Variants in MDH2 observed in about 807,000 individuals in gnomAD.
The protein encoded by MDH2 is malate dehydrogenase 2, also known as malate dehydrogenase, mitochondrial.
Under a neutral mutation model 33.6 loss-of-function variants are expected in MDH2, and 25 were observed. The ratio of observed to expected loss-of-function variants is 0.74; its 90% CI spans 0.54 to 1.04. The LOEUF is 1.04. Ranked by LOEUF, MDH2 falls within the 50% of genes least tolerant of loss-of-function variation. MDH2 has a pLI of 0.00. For missense variants in MDH2, 432 were observed against 445.0 expected (o/e 0.97, Z 0.26); for synonymous variants, 193 against 188.7 (o/e 1.02, Z -0.19).
chr7:76,065,093 C>G (rs563092303), intron 8 of MDH2, 140 bp downstream of exon 8: 5 of 978,278 alleles, frequency 5.1e-6, no homozygotes, highest in Non-Finnish European at 7.6e-6. Flanking sequence ...CAAGGGTGGA[C>G]GCACACCCGA....
Position 76,048,230 on chromosome 7 carries a change from G to T in MDH2, c.66+4G>T. 1 of 1,533,490 alleles carries T rather than the reference G, an allele frequency of 6.5e-7. No homozygotes were observed. The highest frequency in any genetic ancestry group is 8.7e-7 in the Non-Finnish European group (1 of 1,145,586). 95.0% of individuals were successfully genotyped at this position (1,533,490 alleles called of 1,614,324 possible). On this transcript the variant is annotated splice_donor_region_variant and intron_variant, in intron 1 of 8. Coordinates refer to ENST00000315758, the MANE Select transcript of MDH2 (RefSeq NM_005918.4). ...CAGCTTCAGCACCTCGGCCCAGGTA[G>T]GCCAGACGAGGGGCGGCCTGCAGGC...
chr7:76,066,148 C>G (rs1798090312), intron 8 of MDH2, 131 bp from the exon 9 acceptor site: 1 of 1,155,732 alleles, frequency 8.7e-7, no homozygotes, highest in African/African-American at 1.6e-5. Context: ...AGCAAGGCGT[C>G]CCCAGCAAGG....
rs370912885 is a variant in MDH2, at chr7:76,066,306, A to G, written c.913A>G (p.Ile305Val). 119 of 1,609,640 alleles carry G rather than the reference A, an allele frequency of 7.4e-5. No individual in the cohort carries two copies. Among genetic ancestry groups the G allele is most frequent in the Non-Finnish European group, 9.3e-5 (110 of 1,178,132 alleles). ...GKKGIEKNLG[I>V]GKVSSFEEKM... The stretch of plus-strand genomic sequence containing the variant: ...AAAGGGCATCGAGAAGAACCTGGGC[A>G]TCGGCAAAGTCTCCTCTTTTGAGGA... The change falls in exon 9 of 9, where the codon ATC becomes GTC. Residue 305 changes from isoleucine (I) to valine (V), a missense_variant. Coordinates refer to ENST00000315758, the MANE Select transcript of MDH2 (RefSeq NM_005918.4).
At chr7:76,066,168 C>A in intron 8 of MDH2, 111 bp from the exon 9 acceptor site, 2 of 1,367,910 alleles carry the variant, frequency 1.5e-6, no homozygotes, top group Non-Finnish European at 2.0e-6. Context: ...GCACCCAGAA[C>A]CCGCATGTGT....
intron 5 of MDH2, among the ~76,000 whole-genome samples, chr7:76,062,644 G>A (rs1797987658): frequency 6.6e-6 from 1 of 152,260 alleles, no homozygotes; most frequent in Non-Finnish European, 1.5e-5. Flanking sequence ...GCCGGGCGCA[G>A]TGGTGCATGC....
At position 76,048,302 on chromosome 7, in the gene MDH2, C is replaced by G; in HGVS notation, c.66+76C>G. The G allele has an allele frequency of 2.0e-6, 3 of 1,490,378 alleles. No homozygotes were observed. The South Asian group carries it at 3.9e-5, about 19-fold the overall frequency. 92.3% of individuals were successfully genotyped at this position (1,490,378 alleles called of 1,614,324 possible). ...ACGTGCGTCCCCGGTTCGCGGGCAGCTCTGACCCTCTCCAGGCCAGCCTGG... is the reference window on the plus strand; with the variant it reads ...ACGTGCGTCCCCGGTTCGCGGGCAGGTCTGACCCTCTCCAGGCCAGCCTGG... On this transcript the variant is annotated intron_variant, in intron 1 of 8. Transcript: ENST00000315758.
In MDH2 at chr7:76,060,622, G is replaced by GTT. The variant is rs1260595049; in HGVS notation, c.555+128_555+129dup. On this transcript the variant is annotated intron_variant, in intron 5 of 8. Coordinates refer to ENST00000315758, the MANE Select transcript of MDH2 (RefSeq NM_005918.4). ...CACGTGTCACTTTGGGGTTTTAAAT[G>GTT]TTTTTAGAGCTCGCCCTCTTGATGG... 9.3e-6 allele frequency: 13 copies of GTT among 1,394,600 alleles called. No homozygotes were observed. The African/African-American group carries it at 1.9e-4, about 20-fold the overall frequency. The allele number at this position is 1,394,600 out of a possible 1,614,324, so 86.4% of individuals were successfully genotyped here. A position where few individuals can be genotyped will look rare whatever the true frequency, so the allele number is the denominator to read the frequency against.
At chr7:76,056,428 T>G (rs1797787576) in intron 2 of MDH2, among the ~76,000 whole-genome samples, 1 of 152,182 alleles carries the variant, frequency 6.6e-6, no homozygotes, top group Non-Finnish European at 1.5e-5. Context: ...TACATGAGTC[T>G]TAAGTTGGTG....
In MDH2 at chr7:76,064,392, G is replaced by A. The variant is rs1554587474; in HGVS notation, c.687G>A (p.Arg229=). The part of the protein sequence containing the change: ...PQDQLTALTG[R]IQEAGTEVVK... ...ACCAGCTGACAGCACTCACTGGGCG[G>A]ATCCAGGAGGCCGGCACGGAGGTGG... is the stretch of plus-strand genomic sequence containing the variant. The change falls in exon 7 of 9, where the codon CGG becomes CGA. Residue 229 remains arginine (R), a synonymous_variant. Transcript: ENST00000315758. 1.9e-6 allele frequency: 3 copies of A among 1,613,620 alleles called. No homozygotes were observed. The African/African-American group carries it at 4.0e-5, about 22-fold the overall frequency.
At position 76,066,506 on chromosome 7, in the gene MDH2, T is replaced by G. The variant is rs1047487774; in HGVS notation, c.*96T>G. The G allele has an allele frequency of 4.5e-5, 64 of 1,434,472 alleles. No homozygotes were observed. Among genetic ancestry groups the G allele is most frequent in the Non-Finnish European group, 5.9e-5 (64 of 1,078,232 alleles). The allele number at this position is 1,434,472 out of a possible 1,614,324, so 88.9% of individuals were successfully genotyped here. ...AACTTTGTATTTTAATTTGCTTTGG[T>G]GATGATTACTGTATTGACATCATCA... On this transcript the variant is annotated 3_prime_UTR_variant, in exon 9 of 9. Transcript: ENST00000315758.
intron 2 of MDH2, among the ~76,000 whole-genome samples, chr7:76,056,403 G>T (rs575537830): frequency 6.6e-6 from 1 of 152,126 alleles, no homozygotes; most frequent in Non-Finnish European, 1.5e-5. Flanking sequence ...ATGCGATACC[G>T]TGTCTGATGG....
Position 76,067,102 on chromosome 7 carries a change from A to G in MDH2, c.*692A>G, listed in dbSNP as rs10476. 69,211 of 152,196 alleles carry G rather than the reference A, an allele frequency of 0.45. 18,185 individuals are homozygous for G. The highest frequency in any genetic ancestry group is 0.72 in the African/African-American group (29,906 of 41,514). The allele number at this position is 152,196 out of a possible 1,614,324, so 9.4% of individuals were successfully genotyped here. A position where few individuals can be genotyped will look rare whatever the true frequency, so the allele number is the denominator to read the frequency against. ...CCGCTGTGTCAAGGCCTAGGACGCC[A>G]TGCTGCCATCAAAAGGGGGTTCCAG... On this transcript the variant is annotated 3_prime_UTR_variant, in exon 9 of 9. Coordinates refer to ENST00000315758, the MANE Select transcript of MDH2 (RefSeq NM_005918.4).
Position 76,063,560 on chromosome 7 carries a change from G to T in MDH2, c.601G>T (p.Ala201Ser). 6.2e-7 allele frequency: 1 copy of T among 1,614,248 alleles called. No homozygotes were observed. Among genetic ancestry groups the T allele is most frequent in the Non-Finnish European group, 8.5e-7 (1 of 1,180,036 alleles). ...RVNVPVIGGH[A>S]GKTIIPLISQ... ...CAACGTCCCTGTCATTGGTGGCCAT[G>T]CTGGGAAGACCATCATCCCCCTGAT... is the stretch of plus-strand genomic sequence containing the variant. The change falls in exon 6 of 9, where the codon GCT becomes TCT. Residue 201 changes from alanine to serine, a missense_variant. Ala to Ser is a moderately conservative substitution (Grantham distance 99). Transcript: ENST00000315758.
intron 2 of MDH2, among the ~76,000 whole-genome samples, chr7:76,056,615 T>C (rs1797794531): frequency 6.6e-6 from 1 of 152,238 alleles, no homozygotes; most frequent in Non-Finnish European, 1.5e-5. Flanking sequence ...CCTGAAATCT[T>C]TGAAAACATA....
chr7:76,058,048 G>A lies in MDH2; in HGVS notation c.399G>A (p.Pro133=), dbSNP rs61744459. The change falls in exon 4 of 9, where the codon CCG becomes CCA. Residue 133 remains proline (P), a synonymous_variant. Coordinates refer to ENST00000315758, the MANE Select transcript of MDH2 (RefSeq NM_005918.4). ...TLTAACAQHC[P]EAMICVIANP... is the part of the protein sequence containing the mutation. ...CCGCTGCCTGTGCCCAGCACTGCCC[G>A]GAAGCCATGATCTGCGTCATTGCCA... The A allele has an allele frequency of 4.2e-5, 68 of 1,613,540 alleles. No homozygotes were observed. Among genetic ancestry groups the A allele is most frequent in the Admixed American group, 1.2e-4 (7 of 60,008 alleles).
At chr7:76,066,117 C>T (rs1178228802) in intron 8 of MDH2, among the ~76,000 whole-genome samples, 162 bp from the exon 9 acceptor site, 1 of 152,092 alleles carries the variant, frequency 6.6e-6, no homozygotes, top group Non-Finnish European at 1.5e-5. Flanking sequence ...CTGACCGCAG[C>T]TCAGTCCCAC....
rs1293996773 is a variant in MDH2 at position 76,066,711 on chromosome 7, G to A, written c.*301G>A. ...TGATGTTTAACTGTTAGACTGAAGC[G>A]TGACGCTTTCATCAGTAGCTTCAAG... On this transcript the variant is annotated 3_prime_UTR_variant, in exon 9 of 9. Transcript: ENST00000315758. 4.1e-5 allele frequency: 9 copies of A among 219,862 alleles called. No homozygotes were observed. Among genetic ancestry groups the A allele is most frequent in the Non-Finnish European group, 6.3e-5 (7 of 111,610 alleles). 13.6% of individuals were successfully genotyped at this position (219,862 alleles called of 1,614,324 possible).
At chr7:76,054,185 G>T (rs577332915) in intron 1 of MDH2, among the ~76,000 whole-genome samples, 15 of 152,162 alleles carry the variant, frequency 9.9e-5, no homozygotes, top group Non-Finnish European at 1.8e-4. Flanking sequence ...AGCCCGAGAT[G>T]ACAGATCTGA....
intron 2 of MDH2, among the ~76,000 whole-genome samples, chr7:76,056,076 C>A (rs1029821927): frequency 4.6e-5 from 7 of 152,266 alleles, no homozygotes; most frequent in Non-Finnish European, 7.4e-5. Flanking sequence ...GATCCACCTA[C>A]CTCGGCCTCC....
Sources: gnomAD v4.1 joint callset for allele counts (sites outside exome capture counted in the v4.1 genomes callset) on GRCh38, gnomAD v4.1.1 for gene constraint, MANE v1.5 for transcripts, NCBI Gene and HGNC (gene_info 2026-07-23, HGNC 2026-07-21) for gene names.